The following ANK3 variants were observed in gnomAD, a reference collection of about 807,000 sequenced individuals.
The protein encoded by ANK3 is ankyrin 3, also known as ankyrin-3.
Under a neutral mutation model 370.9 loss-of-function variants are expected in ANK3, and 57 were observed. The observed-to-expected ratio is 0.15, with a 90% confidence interval of 0.12 to 0.19. The LOEUF (loss-of-function observed/expected upper bound fraction) is 0.19. ANK3 is among the 10% of genes least tolerant of loss of function. The pLI, the probability that ANK3 is intolerant of heterozygous loss-of-function variation, is 1.00. For synonymous variants in ANK3, 1,929 were observed against 1,946.3 expected (o/e 0.99, Z 0.23); for missense variants, 4,439 against 5,302.1 (o/e 0.84, Z 5.06).
intron 25 of ANK3, among the ~76,000 whole-genome samples, chr10:60,120,439 G>A (rs1169282548): frequency 3.3e-5 from 5 of 152,078 alleles, no homozygotes; most frequent in African/African-American, 1.2e-4. Context: ...CACAAGCACA[G>A]GCAACCAAGG....
At chr10:60,141,089 C>T (rs1035016400) in intron 23 of ANK3, 11 of 933,634 alleles carry the variant, frequency 1.2e-5, no homozygotes, top group Non-Finnish European at 1.4e-5. Flanking sequence ...GAGGGAGGGC[C>T]TGCCCTTGAG....
chr10:60,179,682 G>A (rs1348543293), intron 18 of ANK3, among the ~76,000 whole-genome samples: 66 of 130,456 alleles, frequency 5.1e-4, no homozygotes, highest in African/African-American at 1.8e-3. Flanking sequence ...CTCCCTCTTG[G>A]AGGAAAAAAA....
intron 2 of ANK3, among the ~76,000 whole-genome samples, chr10:60,545,111 C>T (rs1009086149): frequency 4.1e-4 from 3 of 7,378 alleles, no homozygotes; most frequent in African/African-American, 1.6e-3. Flanking sequence ...CAAGTCATGA[C>T]GAACAGTGAT....
intron 2 of ANK3, among the ~76,000 whole-genome samples, chr10:60,448,894 A>G (rs116766032): frequency 0.015 from 2,317 of 152,318 alleles, 60 homozygotes; most frequent in African/African-American, 0.052. Context: ...AATGGCTCCA[A>G]CCTTGTCCCA....
At chr10:60,422,005 A>C (rs571245892) in intron 2 of ANK3, among the ~76,000 whole-genome samples, 65 of 152,120 alleles carry the variant, frequency 4.3e-4, no homozygotes, top group Non-Finnish European at 9.0e-4. Flanking sequence ...ATAAGTAAAT[A>C]AAAGGTCTTA....
chr10:60,421,564 T>C (rs1049763012), intron 2 of ANK3, among the ~76,000 whole-genome samples: 2 of 151,828 alleles, frequency 1.3e-5, no homozygotes, highest in Non-Finnish European at 2.9e-5. Context: ...GAGCGCACAA[T>C]TACTGCCAGA....
intron 1 of ANK3, among the ~76,000 whole-genome samples, chr10:60,647,761 A>G (rs1206130053): frequency 6.6e-6 from 1 of 152,206 alleles, no homozygotes; most frequent in Non-Finnish European, 1.5e-5. Flanking sequence ...ATAGCACAGA[A>G]TAGAGGAAAA....
chr10:60,277,645 C>T (rs1178229917), intron 4 of ANK3, among the ~76,000 whole-genome samples: 3 of 152,104 alleles, frequency 2.0e-5, no homozygotes, highest in African/African-American at 4.8e-5. Context: ...GGAAATCATC[C>T]TAACTTTTCA....
rs559212110 is a variant in ANK3 at position 60,518,304 on chromosome 10, G to A, written c.96+96882C>T. ...AAAAATAGCAAGCTCCTACTTCCCG[G>A]CAGATGAGATGCTCCCAGTGACACG... is the stretch of plus-strand genomic sequence containing the variant. On this transcript the variant is annotated intron_variant, in intron 2 of 43. Coordinates refer to the ANK3 transcript ENST00000373827. Among the ~76,000 whole-genome samples the A allele has an allele frequency of 3.3e-5, 5 of 152,180 alleles. No homozygotes were observed. The East Asian group carries it at 7.8e-4, about 24-fold the overall frequency.
intron 1 of ANK3, among the ~76,000 whole-genome samples, chr10:60,666,140 C>T (rs1231510989): frequency 2.0e-5 from 3 of 152,008 alleles, no homozygotes; most frequent in Non-Finnish European, 4.4e-5. Flanking sequence ...CTCAAAATAG[C>T]CGAAAGTATA....
chr10:60,070,507 A>G lies in ANK3; in HGVS notation c.10374T>C (p.Ser3458=). The G allele has an allele frequency of 6.2e-7, 1 of 1,614,168 alleles. No homozygotes were observed. The highest frequency in any genetic ancestry group is 1.1e-5 in the South Asian group (1 of 91,088). ...TAACTTCAAGTTTACTTTGGCTAAA[A>G]GAGCGGTCAGCTGGCTTCAGAATGC... The part of the protein sequence containing the change: ...TEGILKPADR[S]FSQSKLEVIE... Residue 3458 remains serine (S), a synonymous_variant, in exon 37 of 44, where the codon TCT becomes TCC. Transcript: ENST00000280772. The surrounding 1 kb of genome is among the most constrained non-coding windows in gnomAD (Gnocchi z 5.7).
At position 60,069,323 on chromosome 10, in the gene ANK3, G is replaced by GT. The variant is rs774837819; in HGVS notation, c.11557dup (p.Thr3853AsnfsTer8). The GT allele has an allele frequency of 1.9e-6, 3 of 1,613,926 alleles. No homozygotes were observed. Among genetic ancestry groups the GT allele is most frequent in the Non-Finnish European group, 2.5e-6 (3 of 1,180,002 alleles). Reference sequence around the variant, plus strand: ...TTGCCTAATCCCTATCAATTCCTTTGTTTTTTGCTGTTCTCCAAGAACTTT... The same window carrying GT: ...TTGCCTAATCCCTATCAATTCCTTTGTTTTTTTGCTGTTCTCCAAGAACTTT... On this transcript the variant is annotated frameshift_variant, in exon 37 of 44. Transcript: ENST00000280772. LOFTEE classifies it high-confidence loss of function.
chr10:60,184,048 G>C (rs1393548768), intron 17 of ANK3, among the ~76,000 whole-genome samples: 1 of 152,062 alleles, frequency 6.6e-6, no homozygotes, highest in Non-Finnish European at 1.5e-5. Flanking sequence ...ACAATAACTT[G>C]GGGTTCATGA....
chr10:60,635,111 T>A (rs940452603), intron 1 of ANK3, among the ~76,000 whole-genome samples: 1 of 152,192 alleles, frequency 6.6e-6, no homozygotes, highest in Non-Finnish European at 1.5e-5. Context: ...CTCACGCATT[T>A]CTAAAACCTT....
At chr10:60,475,996 T>A (rs1426808594) in intron 2 of ANK3, among the ~76,000 whole-genome samples, 1 of 152,122 alleles carries the variant, frequency 6.6e-6, no homozygotes, top group Non-Finnish European at 1.5e-5. Flanking sequence ...GAAAGAGAAA[T>A]CTTGGTTAAA....
At chr10:60,429,745 A>G (rs541377706) in intron 2 of ANK3, among the ~76,000 whole-genome samples, 30 of 152,356 alleles carry the variant, frequency 2.0e-4, no homozygotes, top group African/African-American at 7.2e-4. Context: ...TCCTACTTTC[A>G]TCACACGAGT....
At chr10:60,222,748 C>T (rs2097082130) in intron 8 of ANK3, among the ~76,000 whole-genome samples, 1 of 143,044 alleles carries the variant, frequency 7.0e-6, no homozygotes, top group South Asian at 2.4e-4. Context: ...AAACTCTCTG[C>T]AGCTTCTGAT....
intron 2 of ANK3, among the ~76,000 whole-genome samples, chr10:60,476,733 G>A (rs535031919): frequency 3.9e-5 from 6 of 152,202 alleles, no homozygotes; most frequent in African/African-American, 1.4e-4. Flanking sequence ...CAAAACTCTG[G>A]CTCTGTTATT....
At chr10:60,240,635 A>AGGCTG (rs897832988) in intron 7 of ANK3, among the ~76,000 whole-genome samples, 19 of 152,068 alleles carry the variant, frequency 1.2e-4, no homozygotes, top group African/African-American at 4.6e-4. Flanking sequence ...GCTGTTGCCC[A>AGGCTG]GGCTGGAGTG....
Sources: allele counts gnomAD v4.1 joint callset (sites outside exome capture counted in the v4.1 genomes callset), GRCh38; gene constraint gnomAD v4.1.1; non-coding constraint Gnocchi (gnomAD v3.1); transcripts MANE v1.5; gene names NCBI Gene and HGNC (gene_info 2026-07-23, HGNC 2026-07-21).